Variants in AAAS observed in about 807,000 individuals in gnomAD.
The protein encoded by AAAS is aladin.
Under a neutral mutation model 75.6 loss-of-function variants are expected in AAAS, and 60 were observed. The ratio of observed to expected loss-of-function variants is 0.79; its 90% CI spans 0.64 to 0.98. AAAS has a LOEUF of 0.98. AAAS is among the 50% of genes least tolerant of loss of function. The probability of loss-of-function intolerance (pLI) is 0.00; values close to 1 mark genes in which losing one functional copy is unlikely to be tolerated. For synonymous variants in AAAS, 271 were observed against 265.0 expected (o/e 1.02, Z -0.22); for missense variants, 658 against 686.9 (o/e 0.96, Z 0.47).
intron 8 of AAAS, 120 bp from the exon 9 acceptor site, chr12:53,309,401 CAT>C (rs1944351081): frequency 6.5e-7 from 1 of 1,536,814 alleles, no homozygotes; most frequent in African/African-American, 1.4e-5. Flanking sequence ...GACTGTGAAA[CAT>C]GAGGCACGGG....
In AAAS at chr12:53,309,215, G is replaced by T; in HGVS notation, c.877C>A (p.Leu293Met). ...PWFRGGGVTNLLWSPDGSKIL... is the reference protein window; with the variant it reads ...PWFRGGGVTNMLWSPDGSKIL... ...TTGCTGCCGTCTGGGGACCAGAGCA[G>T]GTTGGTCACCCCACCTCCTCGGAAC... is the stretch of plus-strand genomic sequence containing the variant. Residue 293 changes from leucine to methionine, a missense_variant, in exon 9 of 16, where the codon CTG becomes ATG. By Grantham distance (15) the Leu-to-Met change is conservative. Coordinates refer to ENST00000209873, the MANE Select transcript of AAAS (RefSeq NM_015665.6). The T allele has an allele frequency of 6.2e-7, 1 of 1,614,170 alleles. No homozygotes were observed. Among genetic ancestry groups the T allele is most frequent in the Non-Finnish European group, 8.5e-7 (1 of 1,180,040 alleles).
chr12:53,309,525 C>A (rs1944352686), intron 8 of AAAS, 76 bp downstream of exon 8: 2 of 1,609,344 alleles, frequency 1.2e-6, no homozygotes, highest in Admixed American at 1.7e-5. Context: ...CTCCTTCCCC[C>A]AAGATGTTTC....
Position 53,307,520 on chromosome 12 carries a change from A to G in AAAS, c.1610T>C (p.Val537Ala). Reference protein sequence around the residue: ...PWDPLPGPPPVLPHSPHSHL With the variant: ...PWDPLPGPPPALPHSPHSHL The stretch of plus-strand genomic sequence containing the variant: ...GTGGGAATGTGGGGAGTGGGGCAGA[A>G]CAGGTGGTGGCCCTGGGAGAGGGTC... The change falls in exon 16 of 16, where the codon GTT (valine) becomes GCT (alanine). Residue 537 changes from valine to alanine, a missense_variant. Physicochemically the swap from Val to Ala is moderately conservative, Grantham distance 64 (BLOSUM62 0). Coordinates refer to ENST00000209873, the MANE Select transcript of AAAS (RefSeq NM_015665.6). 1 of 1,614,082 alleles carries G rather than the reference A, an allele frequency of 6.2e-7. No individual in the cohort carries two copies. The highest frequency in any genetic ancestry group is 8.5e-7 in the Non-Finnish European group (1 of 1,179,948).
At position 53,321,440 on chromosome 12, in the gene AAAS, G is replaced by C. The variant is rs769584064; in HGVS notation, c.26C>G (p.Pro9Arg). Residue 9 changes from proline to arginine, a missense_variant, in exon 1 of 16, where the codon CCT becomes CGT. Pro to Arg is a moderately radical substitution (Grantham distance 103). Transcript: ENST00000209873. MCSLGLFPPPPPRGQVTLY... is the reference protein window; with the variant it reads MCSLGLFPRPPPRGQVTLY... Reference sequence around the variant, plus strand: ...GGTGACTTGACCCCGAGGCGGTGGAGGAGGGAACAACCCCAGAGAGCACAT... The same window carrying C: ...GGTGACTTGACCCCGAGGCGGTGGACGAGGGAACAACCCCAGAGAGCACAT... 6.2e-7 allele frequency: 1 copy of C among 1,614,240 alleles called. No individual in the cohort carries two copies. Among genetic ancestry groups the C allele is most frequent in the East Asian group, 2.2e-5 (1 of 44,882 alleles).
intron 2 of AAAS, among the ~76,000 whole-genome samples, chr12:53,318,429 T>C (rs1592522506): frequency 6.6e-6 from 1 of 152,080 alleles, no homozygotes; most frequent in Non-Finnish European, 1.5e-5. Context: ...GCCAGGCTGG[T>C]CTCGAACTCC....
At chr12:53,309,078 T>C in intron 9 of AAAS, 58 bp from the exon 10 acceptor site, 1 of 1,614,198 alleles carries the variant, frequency 6.2e-7, no homozygotes, top group Non-Finnish European at 8.5e-7. Context: ...AAGTTGGACC[T>C]ACCTCCCTTG....
Position 53,308,611 on chromosome 12 carries a change from A to G in AAAS, c.1088-83T>C, listed in dbSNP as rs1592512454. ...CTGCCAGCTCACCAAAGGCATCAAC[A>G]CCTCGAAATCTCCTAAGCTTCTATA... On this transcript the variant is annotated intron_variant, in intron 11 of 15. Transcript: ENST00000209873. 4.4e-6 allele frequency: 7 copies of G among 1,597,890 alleles called. No individual in the cohort carries two copies. The East Asian group carries it at 1.6e-4, about 36-fold the overall frequency.
chr12:53,320,865 C>G (rs887298003), intron 1 of AAAS, 173 bp from the exon 2 acceptor site: 1 of 713,082 alleles, frequency 1.4e-6, no homozygotes, highest in African/African-American at 1.8e-5. Context: ...GCTCCCGTAT[C>G]TGTGCAACTA....
At chr12:53,320,401 GTT>G (rs949244960) in intron 2 of AAAS, among the ~76,000 whole-genome samples, 162 bp downstream of exon 2, 2 of 152,176 alleles carry the variant, frequency 1.3e-5, no homozygotes, top group Non-Finnish European at 2.9e-5. Flanking sequence ...GAGCATTTGA[GTT>G]CTATAATAAG....
At chr12:53,317,643 G>A (rs1944485304) in intron 2 of AAAS, among the ~76,000 whole-genome samples, 1 of 152,134 alleles carries the variant, frequency 6.6e-6, no homozygotes, top group East Asian at 1.9e-4. Flanking sequence ...CTCAGAGGCT[G>A]AGGCAGAAGA....
Position 53,314,774 on chromosome 12 carries a change from T to G in AAAS, c.522A>C (p.Ser174=), listed in dbSNP as rs1342756303. 10 of 1,613,614 alleles carry G rather than the reference T, an allele frequency of 6.2e-6. No homozygotes were observed. In the East Asian group the frequency reaches 2.2e-4, roughly 36 times the overall value. ...ACCTGCTGGCATTATACACACGGAC[T>G]GAGTCATCTAGCAGGGCCACTGCAA... ...NKFAVALLDD[S]VRVYNASSTI... is the part of the protein sequence containing the mutation. Residue 174 remains serine, a synonymous_variant, in exon 6 of 16, where the codon TCA becomes TCC. Transcript: ENST00000209873.
chr12:53,311,353 T>C (rs1297142007), intron 7 of AAAS, among the ~76,000 whole-genome samples: 1 of 152,186 alleles, frequency 6.6e-6, no homozygotes, highest in Non-Finnish European at 1.5e-5. Flanking sequence ...GTCCACCTCC[T>C]GGGTTCAAGT....
At position 53,314,352 on chromosome 12, in the gene AAAS, G is replaced by A. The variant is rs768784941; in HGVS notation, c.635C>T (p.Ala212Val). 1.2e-6 allele frequency: 2 copies of A among 1,614,162 alleles called. No homozygotes were observed. The highest frequency in any genetic ancestry group is 1.7e-6 in the Non-Finnish European group (2 of 1,180,024). ...CCAGATAAGAATGCAGCTCTGGCAG[G>A]CCACAGCCAAGACAGAGGCACTAAG... ...KPLSASVLAV[A>V]CQSCILIWTL... The change falls in exon 7 of 16, where the codon GCC becomes GTC. Residue 212 changes from alanine (A) to valine (V), a missense_variant. Physicochemically the swap from Ala to Val is moderately conservative, Grantham distance 64. Transcript: ENST00000209873.
At chr12:53,309,787 C>T in intron 7 of AAAS, 66 bp from the exon 8 acceptor site, 1 of 1,587,782 alleles carries the variant, frequency 6.3e-7, no homozygotes, top group Non-Finnish European at 8.6e-7. Context: ...AATTCTATTT[C>T]TTTGCCTCCT....
At chr12:53,309,830 G>A (rs1944358416) in intron 7 of AAAS, 109 bp from the exon 8 acceptor site, 5 of 1,498,324 alleles carry the variant, frequency 3.3e-6, no homozygotes, top group African/African-American at 1.4e-5. Context: ...GCCCACTCTG[G>A]GCTCAAATCC....
In AAAS at chr12:53,315,428, T is replaced by C; in HGVS notation, c.308-2A>G. On this transcript the variant is annotated splice_acceptor_variant, in intron 3 of 15. Transcript: ENST00000209873. LOFTEE classifies it high-confidence loss of function. ...ATGCCGTCTTCACCCACTCAAACACTGTAGGGTTGAGGAAGCAGCTCTGAT... is the reference window on the plus strand; with the variant it reads ...ATGCCGTCTTCACCCACTCAAACACCGTAGGGTTGAGGAAGCAGCTCTGAT... The C allele has an allele frequency of 4.3e-6, 7 of 1,611,794 alleles. No homozygotes were observed. Among genetic ancestry groups the C allele is most frequent in the Non-Finnish European group, 5.9e-6 (7 of 1,179,130 alleles).
chr12:53,314,702 G>T (rs759519525), intron 6 of AAAS, 49 bp downstream of exon 6: 4 of 1,571,960 alleles, frequency 2.5e-6, no homozygotes. Context: ...GGCTGGCAAG[G>T]GAAGGTGATA....
chr12:53,310,386 C>T (rs1000513577), intron 7 of AAAS, among the ~76,000 whole-genome samples: 16 of 152,054 alleles, frequency 1.1e-4, no homozygotes, highest in African/African-American at 3.1e-4. Flanking sequence ...GGTGAAACCC[C>T]GTCTCTACTA....
intron 7 of AAAS, among the ~76,000 whole-genome samples, chr12:53,313,667 G>A (rs1233266551): frequency 6.6e-6 from 1 of 151,186 alleles, no homozygotes; most frequent in Non-Finnish European, 1.5e-5. Context: ...GGAGTACAGT[G>A]GCATGATCTT....
Sources: gnomAD v4.1 joint callset for allele counts (sites outside exome capture counted in the v4.1 genomes callset) on GRCh38, gnomAD v4.1.1 for gene constraint, MANE v1.5 for transcripts, NCBI Gene and HGNC (gene_info 2026-07-23, HGNC 2026-07-21) for gene names.